Variants in CRTC1 observed in about 807,000 individuals in gnomAD.
CRTC1 encodes CREB regulated transcription coactivator 1.
Under a neutral mutation model 66.1 loss-of-function variants are expected in CRTC1, and 18 were observed. The observed-to-expected ratio is 0.27, with a 90% CI of 0.19 to 0.40. The LOEUF is 0.40. Ranked by LOEUF, CRTC1 falls within the 10% of genes least tolerant of loss-of-function variation. The probability of loss-of-function intolerance (pLI) is 1.00; values close to 1 mark genes in which losing one functional copy is unlikely to be tolerated. For missense variants in CRTC1, 669 were observed against 887.9 expected, an observed-to-expected ratio of 0.75 and a Z score of 3.13; for synonymous variants, 416 against 398.8, an observed-to-expected ratio of 1.04 and a Z score of -0.51.
Position 18,765,490 on chromosome 19 carries a change from G to T in CRTC1, c.973G>T (p.Ala325Ser). ...GAGCACAGAGGCAAGGCGTCAGCAG[G>T]CATCGCCCACCCTGTCCCCGCTGTC... Reference protein sequence around the residue: ...SLSTEARRQQASPTLSPLSPI... With the variant: ...SLSTEARRQQSSPTLSPLSPI... Residue 325 changes from alanine (A) to serine (S), a missense_variant, in exon 9 of 14, where the codon GCA becomes TCA. Physicochemically the swap from Ala to Ser is moderately conservative, Grantham distance 99. This residue lies in a region of CRTC1 where 241 missense variants were observed against 242.2 expected (regional missense o/e 0.99). Transcript: ENST00000321949. 6.2e-7 allele frequency: 1 copy of T among 1,610,192 alleles called. No individual in the cohort carries two copies.
chr19:18,709,007 C>A (rs543810995), intron 1 of CRTC1, among the ~76,000 whole-genome samples: 5 of 152,294 alleles, frequency 3.3e-5, no homozygotes, highest in African/African-American at 9.6e-5. Context: ...GGGAAGGCCT[C>A]ATGGGTGCAG....
intron 9 of CRTC1, among the ~76,000 whole-genome samples, chr19:18,767,566 G>A (rs1262356322): frequency 1.3e-5 from 2 of 152,084 alleles, no homozygotes; most frequent in Non-Finnish European, 2.9e-5. Context: ...TAGTTCCTTG[G>A]TACCTGGCAA....
Position 18,755,593 on chromosome 19 carries a change from C to CTT in CRTC1, c.624+2032_624+2033dup, listed in dbSNP as rs58121199. The stretch of plus-strand genomic sequence containing the variant: ...TATAGGAGCGTGCCACCAAACCTGG[C>CTT]TTTTTTTTTTTTTTTTTTTTTTTTT... On this transcript the variant is annotated intron_variant, in intron 6 of 13. Transcript: ENST00000321949. Among the ~76,000 whole-genome samples, 113 of 107,472 alleles carry CTT rather than the reference C, an allele frequency of 1.1e-3. 4 individuals carry two copies. The highest frequency in any genetic ancestry group is 1.5e-3 in the South Asian group (5 of 3,438). 70.5% of individuals were successfully genotyped at this position (107,472 alleles called of 152,430 possible).
At chr19:18,729,103 G>A (rs914922407) in intron 1 of CRTC1, among the ~76,000 whole-genome samples, 6 of 139,836 alleles carry the variant, frequency 4.3e-5, no homozygotes, top group African/African-American at 7.6e-5. Flanking sequence ...GTGAGCCACC[G>A]CACCTGCCCG....
chr19:18,745,579 A>C (rs967566413), intron 2 of CRTC1, among the ~76,000 whole-genome samples: 15 of 152,092 alleles, frequency 9.9e-5, no homozygotes, highest in Non-Finnish European at 1.8e-4. Flanking sequence ...TGCCAGCTGC[A>C]CTGCACGCCC....
At chr19:18,703,939 A>G (rs2053203667) in intron 1 of CRTC1, among the ~76,000 whole-genome samples, 1 of 152,012 alleles carries the variant, frequency 6.6e-6, no homozygotes, top group Non-Finnish European at 1.5e-5. Context: ...GATTCCTCCA[A>G]TCTGTGATGG....
In CRTC1 at chr19:18,771,784, G is replaced by A. The variant is rs1169477841; in HGVS notation, c.1425+238G>A. ...GCCTGCCTCTGCTGAACACTAGGTG[G>A]GGGTGTGCGTTAGTGACATTAGCGA... On this transcript the variant is annotated intron_variant, in intron 11 of 13. Transcript: ENST00000321949. The surrounding 1 kb of genome is among the most constrained non-coding windows in gnomAD (Gnocchi z 4.6). Among the ~76,000 whole-genome samples the A allele has an allele frequency of 6.6e-6, 1 of 152,192 alleles. No homozygotes were observed. Among genetic ancestry groups the A allele is most frequent in the African/African-American group, 2.4e-5 (1 of 41,442 alleles).
intron 1 of CRTC1, among the ~76,000 whole-genome samples, chr19:18,692,213 C>G (rs1187646162): frequency 1.3e-5 from 2 of 152,140 alleles, no homozygotes; most frequent in African/African-American, 4.8e-5. Context: ...GGTAACCCCA[C>G]ACAAAACCTG....
At chr19:18,763,039 C>G (rs1283563117) in intron 8 of CRTC1, among the ~76,000 whole-genome samples, 2 of 152,198 alleles carry the variant, frequency 1.3e-5, no homozygotes, top group Non-Finnish European at 2.9e-5. Flanking sequence ...CTTACTGCTC[C>G]TTTTCTAGGC....
At chr19:18,770,693 G>A (rs1411813269) in intron 10 of CRTC1, among the ~76,000 whole-genome samples, 1 of 152,088 alleles carries the variant, frequency 6.6e-6, no homozygotes, top group Non-Finnish European at 1.5e-5. Flanking sequence ...GTACATTTGT[G>A]GATGTGTGGA....
At position 18,771,610 on chromosome 19, in the gene CRTC1, G is replaced by A. The variant is rs2054871010; in HGVS notation, c.1425+64G>A. On this transcript the variant is annotated intron_variant, in intron 11 of 13. Transcript: ENST00000321949. The surrounding 1 kb of genome is among the most constrained non-coding windows in gnomAD (Gnocchi z 4.6). ...CGCTTGTCTTGTTCATGCCCCGTGT[G>A]TTCCCTGCCCACTGTCTGTCCTCAT... 4 of 1,253,542 alleles carry A rather than the reference G, an allele frequency of 3.2e-6. No homozygotes were observed. In the Admixed American group the frequency reaches 7.5e-5, roughly 24 times the overall value. The allele number at this position is 1,253,542 out of a possible 1,614,324, so 77.7% of individuals were successfully genotyped here. A position where few individuals can be genotyped will look rare whatever the true frequency, so the allele number is the denominator to read the frequency against.
rs767972695 is a variant in CRTC1, at chr19:18,745,852, C to T, written c.273C>T (p.Thr91=). 1.2e-6 allele frequency: 2 copies of T among 1,613,870 alleles called. No homozygotes were observed. The highest frequency in any genetic ancestry group is 1.7e-6 in the Non-Finnish European group (2 of 1,179,952). Residue 91 remains threonine (T), a synonymous_variant, in exon 3 of 14, where the codon ACC becomes ACT. Transcript: ENST00000321949. ...QTPFQSSGLD[T]SRTTRHHGLV... The stretch of plus-strand genomic sequence containing the variant: ...CCTTCCAATCCTCGGGCCTGGACAC[C>T]AGCCGGACCACCCGGCACCATGGGC...
chr19:18,767,010 A>G (rs1259170735), intron 9 of CRTC1, among the ~76,000 whole-genome samples: 1 of 152,170 alleles, frequency 6.6e-6, no homozygotes, highest in African/African-American at 2.4e-5. Context: ...GTCTTAGCTC[A>G]AATGTGTTGG....
chr19:18,729,815 C>T (rs1362328654), intron 1 of CRTC1, among the ~76,000 whole-genome samples: 1 of 152,166 alleles, frequency 6.6e-6, no homozygotes, highest in Non-Finnish European at 1.5e-5. Flanking sequence ...CCCAGCCCCG[C>T]AGCCCTGTGG....
chr19:18,744,161 T>G, intron 2 of CRTC1: 2 of 1,611,192 alleles, frequency 1.2e-6, no homozygotes, highest in Non-Finnish European at 1.7e-6. Context: ...CTCTGGTAAA[T>G]GAGCCCCCAG....
rs575163375 is a variant in CRTC1 at position 18,734,003 on chromosome 19, G to A, written c.127-8907G>A. 1.8e-3 allele frequency among the ~76,000 whole-genome samples: 278 copies of A among 152,270 alleles called. 2 individuals carry two copies. Among genetic ancestry groups the A allele is most frequent in the African/African-American group, 6.5e-3 (272 of 41,558 alleles). On this transcript the variant is annotated intron_variant, in intron 1 of 13. Coordinates refer to ENST00000321949, the MANE Select transcript of CRTC1 (RefSeq NM_015321.3). ...GCGTGCCTGTAATCCCAGCTACTTG[G>A]GAGGCTGAGAATCACTTGACCCCGG... is the stretch of plus-strand genomic sequence containing the variant.
chr19:18,718,471 A>G (rs1248670169), intron 1 of CRTC1, among the ~76,000 whole-genome samples: 2 of 151,468 alleles, frequency 1.3e-5, no homozygotes, highest in African/African-American at 4.9e-5. Context: ...CGAATAGCTG[A>G]AATTATTGGT....
intron 4 of CRTC1, among the ~76,000 whole-genome samples, chr19:18,747,519 C>T (rs961028348): frequency 6.6e-6 from 1 of 152,088 alleles, no homozygotes; most frequent in East Asian, 1.9e-4. Flanking sequence ...GCCTGTAATC[C>T]CCAGCTACTC....
chr19:18,736,400 C>A lies in CRTC1; in HGVS notation c.127-6510C>A, dbSNP rs2053997721. On this transcript the variant is annotated intron_variant, in intron 1 of 13. Coordinates refer to ENST00000321949, the MANE Select transcript of CRTC1 (RefSeq NM_015321.3). Reference sequence around the variant, plus strand: ...GCTGGGCTGGAGAAAGTGTTCGCTCCCCACCTTCCTCTTGTAGGGCCATGC... The same window carrying A: ...GCTGGGCTGGAGAAAGTGTTCGCTCACCACCTTCCTCTTGTAGGGCCATGC... 2.0e-5 allele frequency among the ~76,000 whole-genome samples: 3 copies of A among 151,144 alleles called. No homozygotes were observed. In the South Asian group the frequency reaches 6.2e-4, roughly 31 times the overall value.
Sources: gnomAD v4.1 joint callset for allele counts (sites outside exome capture counted in the v4.1 genomes callset) on GRCh38, gnomAD v4.1.1 for gene constraint, gnomAD v4.1.1 regional missense constraint, Gnocchi (gnomAD v3.1) non-coding constraint, MANE v1.5 for transcripts, NCBI Gene and HGNC (gene_info 2026-07-23, HGNC 2026-07-21) for gene names.